The following HCN2 variants were observed in gnomAD, a reference collection of about 807,000 sequenced individuals.
HCN2 encodes the protein hyperpolarization activated cyclic nucleotide gated potassium and sodium channel 2.
In HCN2, 20 loss-of-function variants were observed where a neutral mutation model predicts 52.3. That is an observed-to-expected ratio of 0.38 (90% confidence interval 0.27 to 0.56). The LOEUF is 0.56. HCN2 is among the 20% of genes least tolerant of loss of function. The pLI is 0.71. For missense variants in HCN2, 981 were observed against 1,207.7 expected (o/e 0.81, Z 2.78); for synonymous variants, 694 against 537.0 (o/e 1.29, Z -4.04).
intron 1 of HCN2, among the ~76,000 whole-genome samples, chr19:601,372 C>T (rs569557493): frequency 7.2e-5 from 11 of 152,334 alleles, no homozygotes; most frequent in South Asian, 2.1e-4. Context: ...GCATCTGCGC[C>T]GTGGCCTGGG....
intron 4 of HCN2, among the ~76,000 whole-genome samples, chr19:609,802 G>A (rs1983546494): frequency 6.6e-6 from 1 of 152,200 alleles, no homozygotes; most frequent in African/African-American, 2.4e-5. Flanking sequence ...TCAGGAGGCT[G>A]AGGTGGGAGG....
At chr19:606,093 T>C (rs1211808520) in intron 3 of HCN2, among the ~76,000 whole-genome samples, 1 of 152,200 alleles carries the variant, frequency 6.6e-6, no homozygotes, top group Non-Finnish European at 1.5e-5. Flanking sequence ...TTAATTATTA[T>C]TATTTTATTT....
At position 616,349 on chromosome 19, in the gene HCN2, G is replaced by A; in HGVS notation, c.2545G>A (p.Gly849Arg). Residue 849 changes from glycine (G) to arginine (R), a missense_variant, in exon 8 of 8, where the codon GGG becomes AGG. Physicochemically the swap from Gly to Arg is moderately radical, Grantham distance 125. Around this residue, in one of 6 missense-constraint regions of HCN2, gnomAD observed 368 missense variants for 314.8 expected, o/e 1.17. Transcript: ENST00000251287. ...RPASSSTPRL[G>R]PTPAARAAAP... ...GGCCAGCAGCTCCACACCGCGCTTG[G>A]GGCCCACGCCCGCTGCCCGGGCCGC... 1.6e-6 allele frequency: 2 copies of A among 1,213,704 alleles called. No homozygotes were observed. Among genetic ancestry groups the A allele is most frequent in the Non-Finnish European group, 2.1e-6 (2 of 963,414 alleles). The allele number at this position is 1,213,704 out of a possible 1,614,324, so 75.2% of individuals were successfully genotyped here.
At chr19:596,712 T>A (rs1046901312) in intron 1 of HCN2, among the ~76,000 whole-genome samples, 3 of 151,958 alleles carry the variant, frequency 2.0e-5, no homozygotes, top group African/African-American at 7.3e-5. Flanking sequence ...GGTGGCCGGA[T>A]GGGGAAAGGG....
Position 615,733 on chromosome 19 carries a change from TCGGTGCCCGCTGTACGCAGCAGGCGCTCC to T in HCN2, c.1991-60_1991-32del. On this transcript the variant is annotated intron_variant, in intron 7 of 7. Coordinates refer to ENST00000251287, the MANE Select transcript of HCN2 (RefSeq NM_001194.4). ...CGCACCCGCGGTGCAGAGTAGGTGC[TCGGTGCCCGCTGTACGCAGCAGGCGCTCC>T]CTGTGCACACGCTAACGCCCCCTCT... 3.2e-6 allele frequency: 5 copies of T among 1,565,900 alleles called. No homozygotes were observed. The Admixed American group carries it at 8.4e-5, about 26-fold the overall frequency.
intron 1 of HCN2, among the ~76,000 whole-genome samples, chr19:598,855 G>A (rs999508883): frequency 2.0e-5 from 3 of 152,206 alleles, no homozygotes; most frequent in Admixed American, 6.5e-5. Flanking sequence ...TAATCTGCCC[G>A]CCTCAGCCTC....
At position 610,412 on chromosome 19, in the gene HCN2, C is replaced by T. The variant is rs55978915; in HGVS notation, c.1584+7C>T. 0.017 allele frequency: 27,602 copies of T among 1,611,018 alleles called. 293 individuals are homozygous for T. Among genetic ancestry groups the T allele is most frequent in the Non-Finnish European group, 0.02 (23,828 of 1,178,408 alleles). ...CAACGGGCCCCTGCGGGAGGTGAGG[C>T]GGGCGCCGGGCGGGCGGGAGGCAGC... On this transcript the variant is annotated splice_region_variant and intron_variant, in intron 5 of 7. Coordinates refer to ENST00000251287, the MANE Select transcript of HCN2 (RefSeq NM_001194.4).
intron 1 of HCN2, among the ~76,000 whole-genome samples, chr19:601,193 A>G (rs1983190542): frequency 6.6e-6 from 1 of 152,172 alleles, no homozygotes; most frequent in African/African-American, 2.4e-5. Flanking sequence ...CATGCCTGTA[A>G]TCCCAGCTAC....
At chr19:615,475 C>T (rs185229030) in intron 7 of HCN2, among the ~76,000 whole-genome samples, 229 of 152,316 alleles carry the variant, frequency 1.5e-3, no homozygotes, top group African/African-American at 5.1e-3. Flanking sequence ...GATCGCGCCA[C>T]TGCACTCCAG....
chr19:616,926 G>GGCCCC lies in HCN2; in HGVS notation c.*453_*457dup, dbSNP rs1300222272. 3 of 343,268 alleles carry GGCCCC rather than the reference G, an allele frequency of 8.7e-6. No homozygotes were observed. Among genetic ancestry groups the GGCCCC allele is most frequent in the Non-Finnish European group, 1.6e-5 (3 of 182,760 alleles). The allele number at this position is 343,268 out of a possible 1,614,324, so 21.3% of individuals were successfully genotyped here. ...ATCGCGCTCACGCAATAACCGGCCC[G>GGCCCC]GCCCCCGTCCGCGCGCGTCCCCCGG... On this transcript the variant is annotated 3_prime_UTR_variant, in exon 8 of 8. Coordinates refer to ENST00000251287, the MANE Select transcript of HCN2 (RefSeq NM_001194.4).
Position 616,200 on chromosome 19 carries a change from C to A in HCN2, c.2396C>A (p.Pro799His). ...CGGACCTCGCCCTACGGCGGCCTGC[C>A]CGCCGCCCCCCTTGCTGGGCCCGCC... The part of the protein sequence containing the change: ...APRTSPYGGL[P>H]AAPLAGPALP... The change falls in exon 8 of 8, where the codon CCC becomes CAC. Residue 799 changes from proline (P) to histidine (H), a missense_variant. Coordinates refer to ENST00000251287, the MANE Select transcript of HCN2 (RefSeq NM_001194.4). The A allele has an allele frequency of 1.0e-6, 1 of 984,134 alleles. No homozygotes were observed. The highest frequency in any genetic ancestry group is 1.2e-6 in the Non-Finnish European group (1 of 829,688). The allele number at this position is 984,134 out of a possible 1,614,324, so 61.0% of individuals were successfully genotyped here.
intron 2 of HCN2, 140 bp from the exon 3 acceptor site, chr19:604,920 GT>G: frequency 1.1e-6 from 1 of 873,326 alleles, no homozygotes; most frequent in African/African-American, 1.9e-5. Flanking sequence ...GGGCTGCAGG[GT>G]GGGGCGGGGG....
rs1444347899 is a variant in HCN2 at position 617,117 on chromosome 19, C to CCA, written c.*647_*648dup. Reference sequence around the variant, plus strand: ...GTGGCCCCCCACGCCCCATTAACCCCCACACCCCCATTCCGCGCAATAAAC... The same window carrying CCA: ...GTGGCCCCCCACGCCCCATTAACCCCCACACACCCCCATTCCGCGCAATAAAC... On this transcript the variant is annotated 3_prime_UTR_variant, in exon 8 of 8. Coordinates refer to ENST00000251287, the MANE Select transcript of HCN2 (RefSeq NM_001194.4). 12 of 677,896 alleles carry CCA rather than the reference C, an allele frequency of 1.8e-5. No homozygotes were observed. Among genetic ancestry groups the CCA allele is most frequent in the Non-Finnish European group, 3.0e-5 (12 of 405,790 alleles). The allele number at this position is 677,896 out of a possible 1,614,324, so 42.0% of individuals were successfully genotyped here. A position where few individuals can be genotyped will look rare whatever the true frequency, so the allele number is the denominator to read the frequency against.
At chr19:613,122 A>T in intron 5 of HCN2, 126 bp from the exon 6 acceptor site, 1 of 1,294,694 alleles carries the variant, frequency 7.7e-7, no homozygotes. Flanking sequence ...GGTTCCGGCT[A>T]CGGGGCTGAG....
chr19:613,002 C>T (rs915802880), intron 5 of HCN2, among the ~76,000 whole-genome samples: 4 of 152,210 alleles, frequency 2.6e-5, no homozygotes, highest in African/African-American at 9.6e-5. Context: ...CTCTTGTCTA[C>T]AGCCGCCCCT....
intron 1 of HCN2, among the ~76,000 whole-genome samples, chr19:598,124 C>T (rs1283787537): frequency 6.6e-6 from 1 of 152,196 alleles, no homozygotes; most frequent in Admixed American, 6.5e-5. Flanking sequence ...GGCATCCCCT[C>T]AGCCCACTCG....
At chr19:594,713 C>A (rs1011333385) in intron 1 of HCN2, among the ~76,000 whole-genome samples, 9 of 152,130 alleles carry the variant, frequency 5.9e-5, no homozygotes, top group Admixed American at 5.2e-4. Context: ...GCCCCGGGGG[C>A]AGGGCGAGGC....
At position 592,520 on chromosome 19, in the gene HCN2, C is replaced by T. The variant is rs1031281640; in HGVS notation, c.632+1943C>T. On this transcript the variant is annotated intron_variant, in intron 1 of 7. Transcript: ENST00000251287. This position sits in a 1 kb window ranked among gnomAD's most constrained non-coding sequence, Gnocchi z 4.8. ...TCTGTGCTCTGAGGCATAGAGGGCT[C>T]AGAGGCCCCTGTGTGGACCAAGTGC... Among the ~76,000 whole-genome samples, 4 of 152,166 alleles carry T rather than the reference C, an allele frequency of 2.6e-5. No homozygotes were observed. The highest frequency in any genetic ancestry group is 9.7e-5 in the African/African-American group (4 of 41,414).
At position 592,049 on chromosome 19, in the gene HCN2, C is replaced by T. The variant is rs1982889705; in HGVS notation, c.632+1472C>T. 6.6e-6 allele frequency among the ~76,000 whole-genome samples: 1 copy of T among 152,232 alleles called. No individual in the cohort carries two copies. The highest frequency in any genetic ancestry group is 2.4e-5 in the African/African-American group (1 of 41,466). ...GCCCCTCCCACCCTGCCTCTGTGCC[C>T]CACCGGGAGAGCTTGGTCAGCATCT... On this transcript the variant is annotated intron_variant, in intron 1 of 7. Coordinates refer to ENST00000251287, the MANE Select transcript of HCN2 (RefSeq NM_001194.4). The surrounding 1 kb of genome is among the most constrained non-coding windows in gnomAD (Gnocchi z 4.8).
Sources: gnomAD v4.1 joint callset for allele counts (sites outside exome capture counted in the v4.1 genomes callset) on GRCh38, gnomAD v4.1.1 for gene constraint, gnomAD v4.1.1 regional missense constraint, Gnocchi (gnomAD v3.1) non-coding constraint, MANE v1.5 for transcripts, NCBI Gene and HGNC (gene_info 2026-07-23, HGNC 2026-07-21) for gene names.